Variants in RSBN1L observed in about 807,000 individuals in gnomAD.
RSBN1L encodes the protein lysine-specific demethylase RSBN1L.
Under a neutral mutation model 67.7 loss-of-function variants are expected in RSBN1L, and 30 were observed. The ratio of observed to expected loss-of-function variants is 0.44; its 90% CI spans 0.33 to 0.60. RSBN1L has a LOEUF of 0.60. RSBN1L is among the 20% of genes least tolerant of loss of function. The pLI is 0.02. For synonymous variants in RSBN1L, 433 were observed against 387.0 expected, an observed-to-expected ratio of 1.12 and a Z score of -1.39; for missense variants, 992 against 1,031.7, an observed-to-expected ratio of 0.96 and a Z score of 0.53.
rs1272730881 is a variant in RSBN1L at position 77,718,815 on chromosome 7, T to C, written c.587-17595T>C. ...TTGTGAATCACAAATTCTGGCATGA[T>C]TGGCTGGGTGATTTCCTCTGCTTCA... On this transcript the variant is annotated intron_variant, in intron 1 of 7. Transcript: ENST00000334955. Among the ~76,000 whole-genome samples, 3 of 152,228 alleles carry C rather than the reference T, an allele frequency of 2.0e-5. No homozygotes were observed. The East Asian group carries it at 5.8e-4, about 29-fold the overall frequency.
intron 1 of RSBN1L, among the ~76,000 whole-genome samples, chr7:77,718,320 T>C (rs1016658633): frequency 6.6e-6 from 1 of 152,180 alleles, no homozygotes; most frequent in African/African-American, 2.4e-5. Flanking sequence ...TTTATGTTTT[T>C]TGAGACTGAG....
intron 1 of RSBN1L, among the ~76,000 whole-genome samples, chr7:77,719,949 G>A (rs1791094148): frequency 6.6e-6 from 1 of 152,122 alleles, no homozygotes; most frequent in African/African-American, 2.4e-5. Context: ...ATTTTCCGTA[G>A]AGAAAGGGTC....
At chr7:77,742,217 A>G (rs1584291393) in intron 2 of RSBN1L, among the ~76,000 whole-genome samples, 1 of 149,696 alleles carries the variant, frequency 6.7e-6, no homozygotes, top group East Asian at 2.0e-4. Context: ...ACACACACAC[A>G]CGGCAAGAAT....
At chr7:77,746,442 C>G (rs924551508) in intron 2 of RSBN1L, among the ~76,000 whole-genome samples, 7 of 152,126 alleles carry the variant, frequency 4.6e-5, no homozygotes, top group African/African-American at 1.7e-4. Context: ...CCCATGATTT[C>G]AGTTACCTCC....
intron 1 of RSBN1L, among the ~76,000 whole-genome samples, chr7:77,699,000 G>C (rs896176240): frequency 6.6e-6 from 1 of 152,138 alleles, no homozygotes; most frequent in African/African-American, 2.4e-5. Context: ...TTCTTAAATA[G>C]CGGTATTAAC....
chr7:77,733,059 T>C (rs1791291306), intron 1 of RSBN1L, among the ~76,000 whole-genome samples: 1 of 152,118 alleles, frequency 6.6e-6, no homozygotes, highest in Non-Finnish European at 1.5e-5. Flanking sequence ...TTTGAGGGGC[T>C]GAGGCAGGAG....
Position 77,696,702 on chromosome 7 carries a change from A to G in RSBN1L, c.233A>G (p.Gln78Arg). The G allele has an allele frequency of 6.2e-7, 1 of 1,613,356 alleles. No homozygotes were observed. The highest frequency in any genetic ancestry group is 8.5e-7 in the Non-Finnish European group (1 of 1,179,716). Reference sequence around the variant, plus strand: ...CAGCCGCCGGCAGCACCTTCGCCTCAGAGCTATGGCAGCCCCGCGTCTTGG... The same window carrying G: ...CAGCCGCCGGCAGCACCTTCGCCTCGGAGCTATGGCAGCCCCGCGTCTTGG... ...QLQPPAAPSP[Q>R]SYGSPASWSF... is the part of the protein sequence containing the mutation. The change falls in exon 1 of 8, where the codon CAG becomes CGG. Residue 78 changes from glutamine to arginine, a missense_variant. Gln to Arg is a conservative substitution (Grantham distance 43, BLOSUM62 1). Coordinates refer to ENST00000334955, the MANE Select transcript of RSBN1L (RefSeq NM_198467.3).
intron 5 of RSBN1L, among the ~76,000 whole-genome samples, chr7:77,770,236 G>T (rs755432007): frequency 6.6e-6 from 1 of 152,106 alleles, no homozygotes; most frequent in African/African-American, 2.4e-5. Flanking sequence ...TTAGCCCAGC[G>T]TGGTGGGACA....
chr7:77,743,391 G>T (rs2150423524), intron 2 of RSBN1L, among the ~76,000 whole-genome samples: 1 of 151,944 alleles, frequency 6.6e-6, no homozygotes, highest in Middle Eastern at 3.4e-3. Flanking sequence ...CTGAGGTCAG[G>T]AGTTTGAGAC....
chr7:77,746,077 C>G (rs1477965881), intron 2 of RSBN1L, among the ~76,000 whole-genome samples: 2 of 152,182 alleles, frequency 1.3e-5, no homozygotes, highest in Non-Finnish European at 2.9e-5. Context: ...TTGTGACAGG[C>G]TATGGACCAG....
chr7:77,773,410 AG>A (rs990042806), intron 6 of RSBN1L, 96 bp downstream of exon 6: 1 of 897,358 alleles, frequency 1.1e-6, no homozygotes, highest in African/African-American at 1.7e-5. Flanking sequence ...GTGGGAAAAA[AG>A]TTTCATTTTT....
At chr7:77,778,173 C>T (rs1348338598) in intron 6 of RSBN1L, among the ~76,000 whole-genome samples, 165 bp from the exon 7 acceptor site, 1 of 152,106 alleles carries the variant, frequency 6.6e-6, no homozygotes, top group Non-Finnish European at 1.5e-5. Flanking sequence ...ATGGTGTTGG[C>T]CCTTTCTTTA....
chr7:77,755,948 C>G (rs1239350673), intron 3 of RSBN1L, among the ~76,000 whole-genome samples: 4 of 152,144 alleles, frequency 2.6e-5, no homozygotes, highest in African/African-American at 4.8e-5. Context: ...GAGAAAAGTT[C>G]TGTACCTGAC....
intron 2 of RSBN1L, among the ~76,000 whole-genome samples, chr7:77,739,773 G>T (rs1791385006): frequency 1.5e-5 from 1 of 65,478 alleles, no homozygotes; most frequent in African/African-American, 6.3e-5. Flanking sequence ...TTTTTTGAGA[G>T]GAGTCTTGCT....
At chr7:77,714,779 G>A (rs560671949) in intron 1 of RSBN1L, among the ~76,000 whole-genome samples, 7 of 151,872 alleles carry the variant, frequency 4.6e-5, no homozygotes, top group Admixed American at 3.3e-4. Flanking sequence ...TGGCTAACAC[G>A]GTGAAACCCC....
intron 4 of RSBN1L, 103 bp downstream of exon 4, chr7:77,765,735 C>A (rs1791757942): frequency 2.4e-6 from 2 of 839,742 alleles, no homozygotes; most frequent in South Asian, 2.6e-5. Context: ...ATGCTACATG[C>A]AATATAAATG....
Position 77,778,780 on chromosome 7 carries a change from T to C in RSBN1L, c.2153T>C (p.Val718Ala), listed in dbSNP as rs1422504517. Residue 718 changes from valine to alanine, a missense_variant, in exon 8 of 8, where the codon GTT becomes GCT. Val to Ala is a moderately conservative substitution (Grantham distance 64). Transcript: ENST00000334955. Reference sequence around the variant, plus strand: ...ACATCATCAGATTCCACATCATCTGTTCTTGGACCTCACACTGACAACATG... The same window carrying C: ...ACATCATCAGATTCCACATCATCTGCTCTTGGACCTCACACTGACAACATG... The part of the protein sequence containing the change: ...TGTSSDSTSS[V>A]LGPHTDNMIC... 10 of 1,614,050 alleles carry C rather than the reference T, an allele frequency of 6.2e-6. No homozygotes were observed. The Admixed American group carries it at 1.7e-4, about 27-fold the overall frequency.
chr7:77,707,332 G>A (rs1414324074), intron 1 of RSBN1L, among the ~76,000 whole-genome samples: 10 of 152,088 alleles, frequency 6.6e-5, no homozygotes, highest in Non-Finnish European at 4.4e-5. Flanking sequence ...CCTTGAACTA[G>A]ATTTTATAAA....
chr7:77,756,222 C>G (rs1028196813), intron 3 of RSBN1L, among the ~76,000 whole-genome samples: 7 of 151,850 alleles, frequency 4.6e-5, no homozygotes. Context: ...ACCTCTGTCT[C>G]CCGGGTTCAA....
Sources: allele counts gnomAD v4.1 joint callset (sites outside exome capture counted in the v4.1 genomes callset), GRCh38; gene constraint gnomAD v4.1.1; transcripts MANE v1.5; gene names NCBI Gene and HGNC (gene_info 2026-07-23, HGNC 2026-07-21).